The following CLUAP1 variants were observed in gnomAD, a reference collection of about 807,000 sequenced individuals.
CLUAP1 encodes the protein clusterin-associated protein 1.
CLUAP1 carries 50 observed loss-of-function variants against 55.0 expected under a neutral mutation model. The observed-to-expected ratio is 0.91, with a 90% CI of 0.72 to 1.15. The LOEUF (loss-of-function observed/expected upper bound fraction) is 1.15, where lower values mean the gene tolerates loss of function less well. Among genes scored for constraint, CLUAP1 ranks in the 50% most tolerant of loss-of-function variants. The pLI, the probability that CLUAP1 is intolerant of heterozygous loss-of-function variation, is 0.00. For missense variants in CLUAP1, 530 were observed against 507.6 expected, an observed-to-expected ratio of 1.04 and a Z score of -0.42; for synonymous variants, 195 against 175.4, an observed-to-expected ratio of 1.11 and a Z score of -0.88.
upstream of CLUAP1, among the ~76,000 whole-genome samples, chr16:3,498,662 A>G (rs1195765227): frequency 1.3e-5 from 2 of 152,138 alleles, no homozygotes; most frequent in East Asian, 3.9e-4. Context: ...GATCCAGACC[A>G]TCCTGGCAAA....
chr16:3,495,486 G>A, the CLUAP1 span: 3 of 1,579,116 alleles, frequency 1.9e-6, no homozygotes, highest in African/African-American at 4.0e-5. Flanking sequence ...GCTCTCCCCT[G>A]CCTAGGGGGT....
At chr16:3,520,749 C>A (rs1158108369) in intron 7 of CLUAP1, among the ~76,000 whole-genome samples, 2 of 152,124 alleles carry the variant, frequency 1.3e-5, no homozygotes, top group African/African-American at 2.4e-5. Context: ...TTATTTAAAC[C>A]TTGATCATTC....
chr16:3,515,454 G>A lies in CLUAP1; in HGVS notation c.496-54G>A. On this transcript the variant is annotated intron_variant, in intron 5 of 11. Transcript: ENST00000576634. ...GGCACATCTAGATCTAGGAATACTG[G>A]TTTTGAGAACTCCTTTTCTGAAAAT... 10 of 1,308,338 alleles carry A rather than the reference G, an allele frequency of 7.6e-6. 1 individual carries two copies. The South Asian group carries it at 1.0e-4, about 13-fold the overall frequency. 81.0% of individuals were successfully genotyped at this position (1,308,338 alleles called of 1,614,324 possible).
chr16:3,517,169 G>T (rs545988218), intron 6 of CLUAP1, among the ~76,000 whole-genome samples: 3 of 149,976 alleles, frequency 2.0e-5, no homozygotes, highest in South Asian at 4.2e-4. Flanking sequence ...CTGTTGCCCA[G>T]GCTGGAGTAC....
chr16:3,526,349 AAGAAGAAT>A (rs1234516985), intron 8 of CLUAP1, 55 bp from the exon 9 acceptor site: 4 of 1,134,374 alleles, frequency 3.5e-6, no homozygotes. Context: ...CACAGTGGTG[AAGAAGAAT>A]AGAACAGTCC....
At chr16:3,533,020 G>A in intron 11 of CLUAP1, 179 bp downstream of exon 11, 1 of 1,397,196 alleles carries the variant, frequency 7.2e-7, no homozygotes, top group South Asian at 1.2e-5. Flanking sequence ...CTCGTGGATG[G>A]CTCATCTCTT....
intron 11 of CLUAP1, chr16:3,533,610 AG>A: frequency 5.8e-6 from 1 of 173,432 alleles, no homozygotes; most frequent in East Asian, 1.4e-4. Context: ...AGTGAGGTCC[AG>A]TCATCAGGGC....
chr16:3,504,946 C>A, intron 2 of CLUAP1, 115 bp downstream of exon 2: 1 of 699,706 alleles, frequency 1.4e-6, no homozygotes, highest in Non-Finnish European at 2.6e-6. Flanking sequence ...TGGAATTTGA[C>A]AGACCCAGCT....
intron 7 of CLUAP1, among the ~76,000 whole-genome samples, chr16:3,522,883 G>A (rs1173086476): frequency 6.6e-6 from 1 of 151,854 alleles, no homozygotes; most frequent in Non-Finnish European, 1.5e-5. Flanking sequence ...CCTGGTGATG[G>A]GATTATCAGT....
intron 1 of CLUAP1, among the ~76,000 whole-genome samples, chr16:3,501,610 C>T (rs1274478710): frequency 6.6e-6 from 1 of 152,072 alleles, no homozygotes; most frequent in Middle Eastern, 3.2e-3. Context: ...TGGAGAAACC[C>T]CGTCTCTACT....
At chr16:3,527,397 C>T (rs1596401046) in intron 9 of CLUAP1, among the ~76,000 whole-genome samples, 1 of 152,020 alleles carries the variant, frequency 6.6e-6, no homozygotes, top group Non-Finnish European at 1.5e-5. Context: ...TCTGTTATGC[C>T]CAGACAGGGC....
At chr16:3,520,171 G>A in intron 7 of CLUAP1, 135 bp downstream of exon 7, 1 of 859,362 alleles carries the variant, frequency 1.2e-6, no homozygotes, top group East Asian at 2.6e-5. Context: ...CCAGGAGTTT[G>A]AGACCAGCCT....
Position 3,526,449 on chromosome 16 carries a change from T to C in CLUAP1, c.893T>C (p.Leu298Pro), listed in dbSNP as rs2151063669. The C allele has an allele frequency of 1.9e-6, 3 of 1,609,194 alleles. No homozygotes were observed. The highest frequency in any genetic ancestry group is 2.5e-6 in the Non-Finnish European group (3 of 1,178,732). ...KNTLCLIQNK[L>P]KEEEKRLLKS... is the part of the protein sequence containing the mutation. ...ACTCTCTGCCTGATACAGAACAAGC[T>C]CAAGGAGGAAGAGAAGCGCCTGCTC... The change falls in exon 9 of 12, where the codon CTC (leucine) becomes CCC (proline). Residue 298 changes from leucine to proline, a missense_variant. Transcript: ENST00000576634.
chr16:3,525,259 T>C (rs1045466038), intron 8 of CLUAP1, among the ~76,000 whole-genome samples: 2 of 152,116 alleles, frequency 1.3e-5, no homozygotes, highest in Non-Finnish European at 2.9e-5. Flanking sequence ...AAAAGAAACG[T>C]TGGCCATTTT....
chr16:3,533,336 C>T (rs904664048), intron 11 of CLUAP1: 18 of 591,558 alleles, frequency 3.0e-5, no homozygotes, highest in Admixed American at 5.9e-5. Context: ...GGCGCAGGCA[C>T]GGAGCCTGGA....
upstream of CLUAP1, chr16:3,496,098 G>A (rs1017758618): frequency 5.6e-6 from 2 of 359,598 alleles, no homozygotes; most frequent in South Asian, 2.2e-5. Context: ...CCCAGATCGC[G>A]CCACTGCACT....
Position 3,538,106 on chromosome 16 carries a change from T to G in CLUAP1, c.*1835T>G, listed in dbSNP as rs776480886. 1.9e-4 allele frequency: 29 copies of G among 152,074 alleles called. No individual in the cohort carries two copies. The highest frequency in any genetic ancestry group is 3.4e-4 in the Non-Finnish European group (23 of 68,018). 9.4% of individuals were successfully genotyped at this position (152,074 alleles called of 1,614,324 possible). A position where few individuals can be genotyped will look rare whatever the true frequency, so the allele number is the denominator to read the frequency against. On this transcript the variant is annotated 3_prime_UTR_variant, in exon 12 of 12. Coordinates refer to ENST00000576634, the MANE Select transcript of CLUAP1 (RefSeq NM_015041.3). ...AAGACTTCTGAAGTTACTTATCTTT[T>G]AATACATGTATTTAACACCATACTT... is the stretch of plus-strand genomic sequence containing the variant.
upstream of CLUAP1, among the ~76,000 whole-genome samples, chr16:3,499,084 C>T (rs2037341031): frequency 6.6e-6 from 1 of 152,244 alleles, no homozygotes; most frequent in South Asian, 2.1e-4. Context: ...TACAAATGGT[C>T]ATCAAACACG....
upstream of CLUAP1, among the ~76,000 whole-genome samples, chr16:3,499,783 T>C (rs2037353562): frequency 6.6e-6 from 1 of 152,244 alleles, no homozygotes; most frequent in Non-Finnish European, 1.5e-5. Flanking sequence ...GCCATTGTTT[T>C]GGAGCGAGCT....
Sources: allele counts gnomAD v4.1 joint callset (sites outside exome capture counted in the v4.1 genomes callset), GRCh38; gene constraint gnomAD v4.1.1; transcripts MANE v1.5; gene names NCBI Gene and HGNC (gene_info 2026-07-23, HGNC 2026-07-21).